The following LPIN1 variants were observed in gnomAD, a reference collection of about 807,000 sequenced individuals.
LPIN1 encodes the protein lipin 1, also known as phosphatidate phosphatase LPIN1.
In LPIN1, 71 loss-of-function variants were observed where a neutral mutation model predicts 107.5. The observed-to-expected ratio is 0.66, with a 90% CI of 0.55 to 0.80. The LOEUF (loss-of-function observed/expected upper bound fraction) is 0.80. Ranked by LOEUF, LPIN1 falls within the 30% of genes least tolerant of loss-of-function variation. LPIN1 has a pLI of 0.00. For missense variants in LPIN1, 1,043 were observed against 1,160.6 expected, an observed-to-expected ratio of 0.90 and a Z score of 1.47; for synonymous variants, 445 against 452.6, an observed-to-expected ratio of 0.98 and a Z score of 0.21.
At position 11,693,796 on chromosome 2, in the gene LPIN1, A is replaced by ATATG. The variant is rs1166232351; in HGVS notation, c.81+16071_81+16072insGTAT. ...TGTGTGTGTGTGAGTGTGTATATAT[A>ATATG]TATATATATATATATATATATATAT... is the stretch of plus-strand genomic sequence containing the variant. On this transcript the variant is annotated intron_variant, in intron 1 of 21. Coordinates refer to the LPIN1 transcript ENST00000449576. Among the ~76,000 whole-genome samples the ATATG allele has an allele frequency of 9.5e-3, 201 of 21,068 alleles. 1 individual carries two copies. The highest frequency in any genetic ancestry group is 0.028 in the South Asian group (6 of 218). The allele number at this position is 21,068 out of a possible 152,430, so 13.8% of individuals were successfully genotyped here. A position where few individuals can be genotyped will look rare whatever the true frequency, so the allele number is the denominator to read the frequency against.
chr2:11,726,315 C>T (rs188669046), intron 1 of LPIN1, among the ~76,000 whole-genome samples: 2 of 152,332 alleles, frequency 1.3e-5, no homozygotes, highest in Non-Finnish European at 2.9e-5. Context: ...GAGGCCATGA[C>T]GAATCGGTCT....
rs192476749 is a variant in LPIN1 at position 11,788,756 on chromosome 2, C to T, written c.1713+300C>T. 1.9e-3 allele frequency among the ~76,000 whole-genome samples: 288 copies of T among 152,274 alleles called. 2 individuals are homozygous for T. Among genetic ancestry groups the T allele is most frequent in the Non-Finnish European group, 2.7e-3 (187 of 68,026 alleles). On this transcript the variant is annotated intron_variant, in intron 12 of 20. Coordinates refer to ENST00000674199, the MANE Select transcript of LPIN1 (RefSeq NM_001349206.2). Reference sequence around the variant, plus strand: ...AGGCTGAGCAGACAGGTGCCAGGACCTCAGAGCCCAGTGAGGACAAAGGGA... The same window carrying T: ...AGGCTGAGCAGACAGGTGCCAGGACTTCAGAGCCCAGTGAGGACAAAGGGA...
At chr2:11,754,348 C>T (rs1668342075) in intron 1 of LPIN1, among the ~76,000 whole-genome samples, 1 of 152,206 alleles carries the variant, frequency 6.6e-6, no homozygotes. Context: ...CGTGTTTGCT[C>T]TCTGGGCAGT....
At chr2:11,760,637 T>A (rs1009085589) in intron 1 of LPIN1, among the ~76,000 whole-genome samples, 1 of 151,478 alleles carries the variant, frequency 6.6e-6, no homozygotes, top group African/African-American at 2.4e-5. Context: ...GGCAGTGCAG[T>A]CCAGCTTCGG....
chr2:11,783,428 G>A (rs888831078), intron 8 of LPIN1, among the ~76,000 whole-genome samples: 2 of 152,164 alleles, frequency 1.3e-5, no homozygotes, highest in African/African-American at 2.4e-5. Context: ...GGTGGATGAC[G>A]GCCCTGGTTT....
intron 17 of LPIN1, among the ~76,000 whole-genome samples, chr2:11,813,826 A>C (rs762110720): frequency 5.3e-5 from 8 of 152,076 alleles, no homozygotes; most frequent in Non-Finnish European, 8.8e-5. Flanking sequence ...AGGCAGGAGA[A>C]TTGCTTGAAC....
chr2:11,804,352 CA>C, intron 15 of LPIN1, 70 bp from the exon 16 acceptor site: 1 of 1,542,462 alleles, frequency 6.5e-7, no homozygotes, highest in Non-Finnish European at 8.9e-7. Context: ...TCTCATAGAA[CA>C]GAAGCCAAAT....
chr2:11,680,560 T>A (rs112688522), intron 1 of LPIN1, among the ~76,000 whole-genome samples: 2 of 151,716 alleles, frequency 1.3e-5, no homozygotes, highest in Admixed American at 6.6e-5. Flanking sequence ...TGATTCAGCC[T>A]GGCAGGGCTG....
chr2:11,764,641 T>A (rs1238994474), intron 1 of LPIN1, among the ~76,000 whole-genome samples: 1 of 152,142 alleles, frequency 6.6e-6, no homozygotes, highest in Non-Finnish European at 1.5e-5. Flanking sequence ...TGGAGAGAAG[T>A]CAGACAGGCA....
chr2:11,742,684 G>A (rs1437236128), upstream of LPIN1, among the ~76,000 whole-genome samples: 1 of 152,180 alleles, frequency 6.6e-6, no homozygotes, highest in Non-Finnish European at 1.5e-5. Flanking sequence ...TCGCACCTTG[G>A]TCTCTTTCTT....
chr2:11,784,690 A>C (rs1185342813), intron 9 of LPIN1, 196 bp from the exon 10 acceptor site: 2 of 655,884 alleles, frequency 3.0e-6, no homozygotes, highest in African/African-American at 1.8e-5. Flanking sequence ...CCAGCTGAGA[A>C]GTAATGGTTT....
At position 11,824,725 on chromosome 2, in the gene LPIN1, C is replaced by T; in HGVS notation, c.2715C>T (p.Asn905=). The T allele has an allele frequency of 6.2e-7, 1 of 1,614,192 alleles. No individual in the cohort carries two copies. Among genetic ancestry groups the T allele is most frequent in the Non-Finnish European group, 8.5e-7 (1 of 1,180,038 alleles). ...TTCCCTGTTCGGATACCTTCAGTAACTTCACCTTTTGGAGAGAGCCACTGC... is the reference window on the plus strand; with the variant it reads ...TTCCCTGTTCGGATACCTTCAGTAATTTCACCTTTTGGAGAGAGCCACTGC... The part of the protein sequence containing the change: ...SDFPCSDTFS[N]FTFWREPLPP... Residue 905 remains asparagine, a synonymous_variant, in exon 21 of 21, where the codon AAC becomes AAT. Transcript: ENST00000674199.
At position 11,751,254 on chromosome 2, in the gene LPIN1, G is replaced by C. The variant is rs138633429; in HGVS notation, c.-10+4583G>C. Reference sequence around the variant, plus strand: ...TTCCCTCCAAAGCAGGAGTACCCCTGTCCAGCACCCTGTCCTGTCTCAGTG... The same window carrying C: ...TTCCCTCCAAAGCAGGAGTACCCCTCTCCAGCACCCTGTCCTGTCTCAGTG... On this transcript the variant is annotated intron_variant, in intron 1 of 20. Coordinates refer to ENST00000674199, the MANE Select transcript of LPIN1 (RefSeq NM_001349206.2). Among the ~76,000 whole-genome samples the C allele has an allele frequency of 7.9e-4, 119 of 151,162 alleles. 1 individual carries two copies. The highest frequency in any genetic ancestry group is 2.8e-3 in the African/African-American group (116 of 40,846).
intron 1 of LPIN1, among the ~76,000 whole-genome samples, chr2:11,733,494 TCTCTC>T (rs1448971346): frequency 2.7e-5 from 4 of 150,178 alleles, no homozygotes; most frequent in African/African-American, 9.9e-5. Context: ...TCTCTCTCTC[TCTCTC>T]TTTTTTTTTT....
chr2:11,748,970 G>A (rs1667388862), intron 1 of LPIN1, among the ~76,000 whole-genome samples: 1 of 152,152 alleles, frequency 6.6e-6, no homozygotes, highest in African/African-American at 2.4e-5. Flanking sequence ...GGATCTTGGA[G>A]CTTTTGAGGG....
chr2:11,784,902 CT>C lies in LPIN1; in HGVS notation c.1376del (p.Leu459ProfsTer36), dbSNP rs769045979. On this transcript the variant is annotated frameshift_variant, in exon 10 of 21. Coordinates refer to ENST00000674199, the MANE Select transcript of LPIN1 (RefSeq NM_001349206.2). LOFTEE classifies it high-confidence loss of function. ...YFPKNGDPSG[L>X]AKHASDNGAR... ...TCCTTCCAGCGGAGATCCTTCCGGACTCGCAAAACATGCAAGCGACAACGGA... is the reference window on the plus strand; with the variant it reads ...TCCTTCCAGCGGAGATCCTTCCGGACCGCAAAACATGCAAGCGACAACGGA... 8 of 1,613,980 alleles carry C rather than the reference CT, an allele frequency of 5.0e-6. No homozygotes were observed. Among genetic ancestry groups the C allele is most frequent in the Non-Finnish European group, 5.9e-6 (7 of 1,180,004 alleles).
chr2:11,725,765 A>G (rs377540133), intron 1 of LPIN1, among the ~76,000 whole-genome samples: 13 of 152,244 alleles, frequency 8.5e-5, no homozygotes, highest in Middle Eastern at 3.4e-3. Context: ...GTGGTCTGAC[A>G]CTCTGAGGCT....
At chr2:11,795,380 T>C (rs772204957) in intron 13 of LPIN1, 28 bp from the exon 14 acceptor site, 4 of 1,596,874 alleles carry the variant, frequency 2.5e-6, no homozygotes, top group Non-Finnish European at 8.6e-7. Context: ...GTGGTACTTC[T>C]GTGACTCTTT....
At chr2:11,749,074 C>T (rs1667401503) in intron 1 of LPIN1, among the ~76,000 whole-genome samples, 1 of 152,108 alleles carries the variant, frequency 6.6e-6, no homozygotes, top group Non-Finnish European at 1.5e-5. Context: ...CTTTATTGAA[C>T]CCTGGACCAA....
Sources: gnomAD v4.1 joint callset for allele counts (sites outside exome capture counted in the v4.1 genomes callset) on GRCh38, gnomAD v4.1.1 for gene constraint, MANE v1.5 for transcripts, NCBI Gene and HGNC (gene_info 2026-07-23, HGNC 2026-07-21) for gene names.